The following ROBO1 variants were observed in gnomAD, a reference collection of about 807,000 sequenced individuals.
The protein encoded by ROBO1 is roundabout guidance receptor 1.
ROBO1 carries 149 observed loss-of-function variants against 195.9 expected under a neutral mutation model. The observed-to-expected ratio is 0.76, with a 90% CI of 0.67 to 0.87. The LOEUF (loss-of-function observed/expected upper bound fraction) is 0.87. ROBO1 is among the 40% of genes least tolerant of loss of function. ROBO1 has a pLI of 0.00. For synonymous variants in ROBO1, 816 were observed against 733.2 expected (o/e 1.11, Z -1.82); for missense variants, 1,933 against 2,068.3 (o/e 0.93, Z 1.27).
intron 2 of ROBO1, chr3:79,527,811 G>A (rs1941493895): frequency 6.1e-5 from 1 of 16,446 alleles, no homozygotes; most frequent in Non-Finnish European, 1.1e-4. Flanking sequence ...ATTTGCTTAC[G>A]TTTTCTTACC....
At chr3:79,196,079 T>A (rs2081628140) in intron 2 of ROBO1, among the ~76,000 whole-genome samples, 1 of 151,564 alleles carries the variant, frequency 6.6e-6, no homozygotes, top group Non-Finnish European at 1.5e-5. Context: ...AGTCTTTCCC[T>A]GAAAGAATTT....
intron 4 of ROBO1, among the ~76,000 whole-genome samples, chr3:78,822,850 A>G: frequency 6.6e-6 from 1 of 152,348 alleles, no homozygotes; most frequent in Admixed American, 6.5e-5. Flanking sequence ...CATGCACAAT[A>G]GTGCATTTGT....
At chr3:79,302,047 A>T (rs142624303) in intron 2 of ROBO1, among the ~76,000 whole-genome samples, 10 of 152,272 alleles carry the variant, frequency 6.6e-5, no homozygotes, top group African/African-American at 2.2e-4. Flanking sequence ...TAAAACGGTA[A>T]ATGAGAACAG....
chr3:78,618,568 C>T (rs1559653445), intron 26 of ROBO1, among the ~76,000 whole-genome samples: 1 of 152,124 alleles, frequency 6.6e-6, no homozygotes, highest in East Asian at 2.0e-4. Flanking sequence ...AAAAAGCACA[C>T]ATTCAGCATA....
At chr3:79,636,509 GGCCATCGTAACA>G in intron 1 of ROBO1, among the ~76,000 whole-genome samples, 1 of 152,086 alleles carries the variant, frequency 6.6e-6, no homozygotes, top group African/African-American at 2.4e-5. Context: ...CTGTCACAAT[GGCCATCGTAACA>G]GCCTGTCATA....
intron 1 of ROBO1, among the ~76,000 whole-genome samples, chr3:79,689,232 AT>A (rs1947229504): frequency 6.6e-6 from 1 of 152,052 alleles, no homozygotes; most frequent in Non-Finnish European, 1.5e-5. Context: ...CTTTTAAGTA[AT>A]TTTAAAATTA....
chr3:78,748,398 T>A (rs1559812559), intron 4 of ROBO1, among the ~76,000 whole-genome samples: 1 of 151,908 alleles, frequency 6.6e-6, no homozygotes, highest in Non-Finnish European at 1.5e-5. Context: ...TGAGCTGAGA[T>A]CGTGCCATTG....
intron 2 of ROBO1, among the ~76,000 whole-genome samples, chr3:79,365,109 T>C (rs1022938537): frequency 1.5e-4 from 23 of 152,214 alleles, no homozygotes; most frequent in African/African-American, 5.5e-4. Flanking sequence ...CAGAATGTCC[T>C]GTCCTCAGAA....
intron 3 of ROBO1, among the ~76,000 whole-genome samples, chr3:79,107,624 A>G (rs2079809170): frequency 6.6e-6 from 1 of 151,678 alleles, no homozygotes; most frequent in Admixed American, 6.6e-5. Context: ...TTGGGTGTTG[A>G]TAATTTTGTA....
At chr3:79,637,886 T>C (rs1945542324) in intron 1 of ROBO1, among the ~76,000 whole-genome samples, 1 of 152,184 alleles carries the variant, frequency 6.6e-6, no homozygotes, top group African/African-American at 2.4e-5. Context: ...AGCTTTCTTT[T>C]TAAAAAGGAC....
chr3:79,624,655 T>C lies in ROBO1; in HGVS notation c.-50-34694A>G, dbSNP rs1016870124. Among the ~76,000 whole-genome samples, 129 of 152,206 alleles carry C rather than the reference T, an allele frequency of 8.5e-4. 1 individual carries two copies. Among genetic ancestry groups the C allele is most frequent in the South Asian group, 4.2e-4 (2 of 4,808 alleles). On this transcript the variant is annotated intron_variant, in intron 1 of 30. Transcript: ENST00000464233. Reference sequence around the variant, plus strand: ...ATTCAACAAGAAGAGCGAACTATTATAAATAAATATGCACCCAATACAGGA... The same window carrying C: ...ATTCAACAAGAAGAGCGAACTATTACAAATAAATATGCACCCAATACAGGA...
chr3:78,860,326 A>ATATATTTTTTTTTT (rs376853384), intron 4 of ROBO1, among the ~76,000 whole-genome samples: 1 of 93,506 alleles, frequency 1.1e-5, no homozygotes, highest in African/African-American at 4.5e-5. Flanking sequence ...ATATATATAT[A>ATATATTTTTTTTTT]TTTTTTTTTT....
At chr3:78,602,045 AGTGTGTGT>A (rs10542402) in intron 29 of ROBO1, among the ~76,000 whole-genome samples, 15 of 149,926 alleles carry the variant, frequency 1.0e-4, no homozygotes, top group East Asian at 3.9e-4. Flanking sequence ...CATGTGTGTG[AGTGTGTGT>A]GTGTGTGTGT....
At chr3:78,874,495 A>AT (rs1019255253) in intron 4 of ROBO1, among the ~76,000 whole-genome samples, 2 of 151,944 alleles carry the variant, frequency 1.3e-5, no homozygotes, top group African/African-American at 4.8e-5. Flanking sequence ...AATAATACAT[A>AT]TATTATAGTT....
At chr3:79,341,232 A>G (rs771328332) in intron 2 of ROBO1, among the ~76,000 whole-genome samples, 2 of 152,152 alleles carry the variant, frequency 1.3e-5, no homozygotes, top group African/African-American at 2.4e-5. Flanking sequence ...TTTTTGCTTC[A>G]CAGGCTCAGG....
chr3:78,732,517 C>G (rs892456320), intron 5 of ROBO1, among the ~76,000 whole-genome samples: 1 of 152,158 alleles, frequency 6.6e-6, no homozygotes, highest in Admixed American at 6.5e-5. Context: ...AATGCCTCTT[C>G]TCTTCCCATG....
intron 2 of ROBO1, among the ~76,000 whole-genome samples, chr3:79,354,168 T>A (rs1047135765): frequency 6.6e-6 from 1 of 152,196 alleles, no homozygotes; most frequent in Admixed American, 6.5e-5. Context: ...CTATAACAAC[T>A]GGCCAGTTTA....
intron 2 of ROBO1, among the ~76,000 whole-genome samples, chr3:79,173,622 G>A (rs572095798): frequency 7.9e-5 from 12 of 152,068 alleles, no homozygotes; most frequent in Non-Finnish European, 1.6e-4. Context: ...CATGGGCTCC[G>A]GCTCAGCCCG....
intron 1 of ROBO1, among the ~76,000 whole-genome samples, chr3:79,616,131 C>A (rs1482785196): frequency 6.6e-6 from 1 of 152,178 alleles, no homozygotes; most frequent in East Asian, 1.9e-4. Flanking sequence ...GATTTGGGAA[C>A]TTCTGAAGAG....
Sources: allele counts gnomAD v4.1 joint callset (sites outside exome capture counted in the v4.1 genomes callset), GRCh38; gene constraint gnomAD v4.1.1; transcripts MANE v1.5; gene names NCBI Gene and HGNC (gene_info 2026-07-23, HGNC 2026-07-21).